The following ABTB3 variants were observed in gnomAD, a reference collection of about 807,000 sequenced individuals.
The protein encoded by ABTB3 is ankyrin repeat- and BTB/POZ domain-containing protein 3.
the ABTB3 span, among the ~76,000 whole-genome samples, chr12:107,326,635 T>A: frequency 1.3e-5 from 2 of 152,194 alleles, no homozygotes; most frequent in African/African-American, 4.8e-5. Flanking sequence ...TGCTTCCAAC[T>A]TAAAGTTCAG....
the ABTB3 span, among the ~76,000 whole-genome samples, chr12:107,610,740 A>C: frequency 6.6e-6 from 1 of 152,224 alleles, no homozygotes; most frequent in Non-Finnish European, 1.5e-5. Context: ...GGACAAGCCC[A>C]GACAGACTTC....
the ABTB3 span, among the ~76,000 whole-genome samples, chr12:107,542,032 A>G: frequency 6.6e-6 from 1 of 152,140 alleles, no homozygotes; most frequent in Non-Finnish European, 1.5e-5. Flanking sequence ...ATCACTGGCC[A>G]GGCGCGGTGG....
chr12:107,401,858 TAG>T, the ABTB3 span, among the ~76,000 whole-genome samples: 1 of 151,556 alleles, frequency 6.6e-6, no homozygotes, highest in Non-Finnish European at 1.5e-5. Context: ...CCTATGTGTG[TAG>T]AGTTTTTTAC....
At chr12:107,607,350 C>T in the ABTB3 span, among the ~76,000 whole-genome samples, 4 of 152,194 alleles carry the variant, frequency 2.6e-5, no homozygotes, top group Non-Finnish European at 5.9e-5. Flanking sequence ...GCTCAGGTCT[C>T]GGATGCTGAT....
the ABTB3 span, among the ~76,000 whole-genome samples, chr12:107,484,587 T>C: frequency 0.38 from 56,921 of 150,666 alleles, 13,155 homozygotes; most frequent in African/African-American, 0.66. Context: ...AGAGGAGGGA[T>C]CTGATCTGAC....
the ABTB3 span, among the ~76,000 whole-genome samples, chr12:107,547,785 G>T: frequency 6.6e-6 from 1 of 152,138 alleles, no homozygotes; most frequent in African/African-American, 2.4e-5. Context: ...TTTGTCCTTC[G>T]TAAGGTGAGA....
At chr12:107,472,792 G>A in the ABTB3 span, among the ~76,000 whole-genome samples, 1 of 152,184 alleles carries the variant, frequency 6.6e-6, no homozygotes, top group Admixed American at 6.5e-5. Context: ...ACAGGCTAGT[G>A]GGGACAAGAC....
At chr12:107,359,739 T>C in the ABTB3 span, among the ~76,000 whole-genome samples, 3 of 152,038 alleles carry the variant, frequency 2.0e-5, no homozygotes, top group African/African-American at 7.2e-5. Flanking sequence ...GTCTGTAAAA[T>C]TCCCATTTTA....
chr12:107,382,018 C>T, the ABTB3 span, among the ~76,000 whole-genome samples: 1 of 152,060 alleles, frequency 6.6e-6, no homozygotes, highest in African/African-American at 2.4e-5. Context: ...ACAGTCGTGA[C>T]CAAATCATAC....
chr12:107,516,942 G>C, the ABTB3 span, among the ~76,000 whole-genome samples: 36 of 152,126 alleles, frequency 2.4e-4, no homozygotes, highest in Non-Finnish European at 3.1e-4. Context: ...CTCTTCTTTT[G>C]CATCTCCAAA....
the ABTB3 span, among the ~76,000 whole-genome samples, chr12:107,485,034 C>T: frequency 1.3e-5 from 2 of 152,048 alleles, no homozygotes; most frequent in Non-Finnish European, 2.9e-5. Flanking sequence ...AGGAAAGAGA[C>T]CTCCACATAT....
the ABTB3 span, among the ~76,000 whole-genome samples, chr12:107,566,370 C>A: frequency 3.9e-5 from 6 of 152,036 alleles, no homozygotes; most frequent in African/African-American, 1.2e-4. Flanking sequence ...TTTGGTGCAA[C>A]CTGAGACAAA....
the ABTB3 span, among the ~76,000 whole-genome samples, chr12:107,522,238 C>G: frequency 6.6e-6 from 1 of 152,076 alleles, no homozygotes; most frequent in East Asian, 1.9e-4. Context: ...ATTGAGGGGG[C>G]AGGGCTTCAA....
the ABTB3 span, among the ~76,000 whole-genome samples, chr12:107,394,771 T>C: frequency 1.3e-5 from 2 of 152,214 alleles, no homozygotes; most frequent in Non-Finnish European, 2.9e-5. Context: ...TCTCAGTAAA[T>C]GATAGCTGTT....
At chr12:107,474,649 C>T in the ABTB3 span, among the ~76,000 whole-genome samples, 3 of 152,086 alleles carry the variant, frequency 2.0e-5, no homozygotes, top group Non-Finnish European at 2.9e-5. Context: ...GATTAGAGTG[C>T]CCCTGGAAGG....
chr12:107,608,000 G>A, the ABTB3 span, among the ~76,000 whole-genome samples: 11 of 152,138 alleles, frequency 7.2e-5, no homozygotes, highest in African/African-American at 2.7e-4. Context: ...ATTAGAGGCA[G>A]GAACAGAACC....
At chr12:107,650,958 T>C in the ABTB3 span, 6 of 152,200 alleles carry the variant, frequency 3.9e-5, no homozygotes, top group Non-Finnish European at 7.3e-5. Context: ...ATTTCAATCA[T>C]ATAGAAGAGT....
At chr12:107,547,584 C>T in the ABTB3 span, among the ~76,000 whole-genome samples, 2 of 152,208 alleles carry the variant, frequency 1.3e-5, no homozygotes, top group African/African-American at 4.8e-5. Flanking sequence ...CCATTTATCT[C>T]ATTCTTTCCA....
At chr12:107,413,859 G>A in the ABTB3 span, among the ~76,000 whole-genome samples, 1 of 152,212 alleles carries the variant, frequency 6.6e-6, no homozygotes, top group African/African-American at 2.4e-5. Context: ...AGGTTGAAAG[G>A]CACTAGGTTA....
Sources: allele counts gnomAD v4.1 joint callset (sites outside exome capture counted in the v4.1 genomes callset), GRCh38; gene constraint gnomAD v4.1.1; transcripts MANE v1.5; gene names NCBI Gene and HGNC (gene_info 2026-07-23, HGNC 2026-07-21).